The following SCAMP1 variants were observed in gnomAD, a reference collection of about 807,000 sequenced individuals.
SCAMP1 encodes secretory carrier-associated membrane protein 1.
Under a neutral mutation model 41.8 loss-of-function variants are expected in SCAMP1, and 15 were observed. The ratio of observed to expected loss-of-function variants is 0.36; its 90% CI spans 0.24 to 0.55. SCAMP1 has a LOEUF of 0.55. Among genes scored for constraint, SCAMP1 ranks in the 20% least tolerant of loss-of-function variants. The pLI, the probability that SCAMP1 is intolerant of heterozygous loss-of-function variation, is 0.86. For missense variants in SCAMP1, 341 were observed against 412.6 expected, an observed-to-expected ratio of 0.83 and a Z score of 1.50; for synonymous variants, 135 against 136.8, an observed-to-expected ratio of 0.99 and a Z score of 0.09.
At chr5:78,465,404 C>A (rs575863349) in intron 8 of SCAMP1, among the ~76,000 whole-genome samples, 1 of 152,216 alleles carries the variant, frequency 6.6e-6, no homozygotes, top group Admixed American at 6.5e-5. Context: ...CTCAACTGTA[C>A]TCCAAGCTGC....
At chr5:78,438,628 T>G (rs1172680628) in intron 6 of SCAMP1, among the ~76,000 whole-genome samples, 1 of 152,214 alleles carries the variant, frequency 6.6e-6, no homozygotes, top group Non-Finnish European at 1.5e-5. Flanking sequence ...AGTGCTTTAC[T>G]TCCAATTCTG....
At chr5:78,390,527 GAAA>G (rs985614081) in intron 2 of SCAMP1, among the ~76,000 whole-genome samples, 6 of 152,076 alleles carry the variant, frequency 3.9e-5, no homozygotes, top group African/African-American at 1.2e-4. Flanking sequence ...TTGTTGAAGG[GAAA>G]AAAAGAAGAG....
intron 1 of SCAMP1, among the ~76,000 whole-genome samples, chr5:78,365,116 T>G (rs1274096154): frequency 6.6e-6 from 1 of 152,150 alleles, no homozygotes; most frequent in Non-Finnish European, 1.5e-5. Context: ...TAGCATATAG[T>G]AAGAGCTTAA....
At chr5:78,393,068 GTTC>G (rs1445833771) in intron 2 of SCAMP1, among the ~76,000 whole-genome samples, 4 of 152,034 alleles carry the variant, frequency 2.6e-5, no homozygotes, top group Admixed American at 6.5e-5. Flanking sequence ...TTCCTGCCCT[GTTC>G]TTCTTTTTAT....
intron 6 of SCAMP1, 117 bp downstream of exon 6, chr5:78,422,077 A>T: frequency 1.2e-6 from 1 of 859,110 alleles, no homozygotes; most frequent in South Asian, 2.0e-5. Flanking sequence ...ATTGTTGTGT[A>T]ACATACCTTC....
At chr5:78,387,604 T>G (rs1026874631) in intron 1 of SCAMP1, among the ~76,000 whole-genome samples, 4 of 152,174 alleles carry the variant, frequency 2.6e-5, no homozygotes, top group Non-Finnish European at 5.9e-5. Context: ...AGGGAAGATC[T>G]GGAACTCAAG....
At chr5:78,452,345 C>T (rs1014920239) in intron 7 of SCAMP1, among the ~76,000 whole-genome samples, 2 of 130,362 alleles carry the variant, frequency 1.5e-5, no homozygotes, top group Admixed American at 1.6e-4. Flanking sequence ...TCCCTCCCCC[C>T]ACCCCACGAC....
intron 8 of SCAMP1, among the ~76,000 whole-genome samples, chr5:78,473,257 G>C (rs564918369): frequency 1.4e-3 from 220 of 152,242 alleles, no homozygotes; most frequent in African/African-American, 5.0e-3. Context: ...TGTATCAGAA[G>C]CACTCAGGGC....
rs1302848925 is a variant in SCAMP1 at position 78,479,906 on chromosome 5, C to T, written c.*4238C>T. ...AAATACAAAAAAAAAATTAGCTGAG[C>T]ATGGTGGCGGGCGCCTGTAGTCCCA... On this transcript the variant is annotated 3_prime_UTR_variant, in exon 9 of 9. Coordinates refer to ENST00000621999, the MANE Select transcript of SCAMP1 (RefSeq NM_004866.6). Among the ~76,000 whole-genome samples, 1 of 151,956 alleles carries T rather than the reference C, an allele frequency of 6.6e-6. No individual in the cohort carries two copies. Among genetic ancestry groups the T allele is most frequent in the African/African-American group, 2.4e-5 (1 of 41,356 alleles).
Position 78,479,015 on chromosome 5 carries a change from C to T in SCAMP1, c.*3347C>T, listed in dbSNP as rs999506807. 5.3e-5 allele frequency: 8 copies of T among 152,084 alleles called. No individual in the cohort carries two copies. Among genetic ancestry groups the T allele is most frequent in the Non-Finnish European group, 1.2e-4 (8 of 67,976 alleles). 9.4% of individuals were successfully genotyped at this position (152,084 alleles called of 1,614,324 possible). On this transcript the variant is annotated 3_prime_UTR_variant, in exon 9 of 9. Coordinates refer to ENST00000621999, the MANE Select transcript of SCAMP1 (RefSeq NM_004866.6). ...TTGTAATAGCATAGTGCTTTTTACTCATTGCTGTATCTTTTTCTGAAAACA... is the reference window on the plus strand; with the variant it reads ...TTGTAATAGCATAGTGCTTTTTACTTATTGCTGTATCTTTTTCTGAAAACA...
chr5:78,399,264 G>A (rs1594055), intron 2 of SCAMP1, among the ~76,000 whole-genome samples: 115,503 of 152,194 alleles, frequency 0.76, 44,435 homozygotes, highest in African/African-American at 0.84. Flanking sequence ...GTGATGAATA[G>A]AGCTGCTATA....
chr5:78,378,662 CTAGAG>C (rs1336263923), intron 1 of SCAMP1, among the ~76,000 whole-genome samples: 1 of 152,168 alleles, frequency 6.6e-6, no homozygotes, highest in Non-Finnish European at 1.5e-5. Flanking sequence ...AGTGGCATTA[CTAGAG>C]TATTGACAGA....
chr5:78,448,265 C>G (rs936937458), intron 6 of SCAMP1, among the ~76,000 whole-genome samples: 1 of 147,146 alleles, frequency 6.8e-6, no homozygotes, highest in Non-Finnish European at 1.5e-5. Context: ...CTCCTAGCCT[C>G]AAGCAGTCCT....
intron 6 of SCAMP1, among the ~76,000 whole-genome samples, chr5:78,424,923 A>G (rs189199508): frequency 6.6e-6 from 1 of 152,312 alleles, no homozygotes; most frequent in East Asian, 1.9e-4. Context: ...TGGCTTCCCC[A>G]CTTAAAAAGC....
At position 78,478,342 on chromosome 5, in the gene SCAMP1, T is replaced by G. The variant is rs1479540875; in HGVS notation, c.*2674T>G. On this transcript the variant is annotated 3_prime_UTR_variant, in exon 9 of 9. Coordinates refer to ENST00000621999, the MANE Select transcript of SCAMP1 (RefSeq NM_004866.6). ...ATTCAGAGACAGACATTGTTAAAGG[T>G]TTGATGTATATAGAAATTCCATGTT... 6.6e-6 allele frequency: 1 copy of G among 152,604 alleles called. No homozygotes were observed. The highest frequency in any genetic ancestry group is 6.5e-5 in the Admixed American group (1 of 15,282). 9.5% of individuals were successfully genotyped at this position (152,604 alleles called of 1,614,324 possible). A position where few individuals can be genotyped will look rare whatever the true frequency, so the allele number is the denominator to read the frequency against.
At chr5:78,368,790 C>G (rs1750862804) in intron 1 of SCAMP1, among the ~76,000 whole-genome samples, 1 of 152,106 alleles carries the variant, frequency 6.6e-6, no homozygotes, top group South Asian at 2.1e-4. Context: ...GAGCTCCCAT[C>G]AGATACTTAA....
At chr5:78,440,810 G>A (rs1752901712) in intron 6 of SCAMP1, among the ~76,000 whole-genome samples, 1 of 152,242 alleles carries the variant, frequency 6.6e-6, no homozygotes, top group African/African-American at 2.4e-5. Flanking sequence ...CCCAGAGGTG[G>A]AGTCTACGGA....
intron 2 of SCAMP1, among the ~76,000 whole-genome samples, chr5:78,405,589 T>C (rs1751915078): frequency 6.6e-6 from 1 of 152,236 alleles, no homozygotes; most frequent in Admixed American, 6.5e-5. Context: ...GATTGCCTTT[T>C]AAGATGCTCT....
At chr5:78,436,242 T>A (rs1752749707) in intron 6 of SCAMP1, among the ~76,000 whole-genome samples, 1 of 152,230 alleles carries the variant, frequency 6.6e-6, no homozygotes, top group Admixed American at 6.5e-5. Context: ...ATCCCATTTG[T>A]CTATTTTGGC....
Sources: allele counts gnomAD v4.1 joint callset (sites outside exome capture counted in the v4.1 genomes callset), GRCh38; gene constraint gnomAD v4.1.1; transcripts MANE v1.5; gene names NCBI Gene and HGNC (gene_info 2026-07-23, HGNC 2026-07-21).